Variants in CITED2 observed in about 807,000 individuals in gnomAD.
The protein encoded by CITED2 is Cbp/p300 interacting transactivator with ED-rich tail 2.
CITED2 carries 2 observed loss-of-function variants against 11.8 expected under a neutral mutation model. The ratio of observed to expected loss-of-function variants is 0.17; its 90% confidence interval spans 0.07 to 0.54. The LOEUF (loss-of-function observed/expected upper bound fraction) is 0.54. Among genes scored for constraint, CITED2 ranks in the 20% least tolerant of loss-of-function variants. CITED2 has a pLI of 0.94. For missense variants in CITED2, 437 were observed against 390.2 expected, an observed-to-expected ratio of 1.12 and a Z score of -1.01; for synonymous variants, 210 against 153.0, an observed-to-expected ratio of 1.37 and a Z score of -2.75.
chr6:139,374,263 C>G (rs977002242), intron 1 of CITED2, 150 bp downstream of exon 1: 2 of 1,269,636 alleles, frequency 1.6e-6, no homozygotes, highest in African/African-American at 1.5e-5. Flanking sequence ...CTGCTGCGAA[C>G]TTCAGGCATT....
In CITED2 at chr6:139,373,018, T is replaced by C. The variant is rs1778282884; in HGVS notation, c.*114A>G. ...GTTTATAGTTTACTTTGTTTCCAAG[T>C]TCTCAAACCTTTCAAGATCTGAAAA... On this transcript the variant is annotated 3_prime_UTR_variant, in exon 2 of 2. Coordinates refer to ENST00000367651, the MANE Select transcript of CITED2 (RefSeq NM_006079.5). 3.6e-6 allele frequency: 4 copies of C among 1,100,460 alleles called. No homozygotes were observed. Among genetic ancestry groups the C allele is most frequent in the Admixed American group, 3.4e-5 (2 of 58,448 alleles). The allele number at this position is 1,100,460 out of a possible 1,614,324, so 68.2% of individuals were successfully genotyped here.
In CITED2 at chr6:139,372,543, G is replaced by C. The variant is rs890891171; in HGVS notation, c.*589C>G. ...GGGCGGCGGGGGGGACAGCCAACTT[G>C]AAAGTGAACAGTATGACTTTCCTGA... is the stretch of plus-strand genomic sequence containing the variant. On this transcript the variant is annotated 3_prime_UTR_variant, in exon 2 of 2. Transcript: ENST00000367651. The C allele has an allele frequency of 6.3e-6, 1 of 159,606 alleles. No individual in the cohort carries two copies. The highest frequency in any genetic ancestry group is 1.7e-4 in the South Asian group (1 of 5,778). 9.9% of individuals were successfully genotyped at this position (159,606 alleles called of 1,614,324 possible).
Position 139,372,722 on chromosome 6 carries a change from ATTT to A in CITED2, c.*407_*409del, listed in dbSNP as rs1778272752. The A allele has an allele frequency of 4.3e-6, 1 of 231,864 alleles. No individual in the cohort carries two copies. Among genetic ancestry groups the A allele is most frequent in the Non-Finnish European group, 8.8e-6 (1 of 113,344 alleles). The allele number at this position is 231,864 out of a possible 1,614,324, so 14.4% of individuals were successfully genotyped here. On this transcript the variant is annotated 3_prime_UTR_variant, in exon 2 of 2. Transcript: ENST00000367651. Reference sequence around the variant, plus strand: ...GAAGTTCATGCAACCAACTAATGCAATTTTTCCTTTCACTCGTAAATCTGAATG... The same window carrying A: ...GAAGTTCATGCAACCAACTAATGCAATTCCTTTCACTCGTAAATCTGAATG...
In CITED2 at chr6:139,373,315, A is replaced by C. The variant is rs571681142; in HGVS notation, c.630T>G (p.Ala210=). The C allele has an allele frequency of 2.7e-5, 43 of 1,613,132 alleles. No individual in the cohort carries two copies. In the African/African-American group the frequency reaches 2.7e-4, roughly 10 times the overall value. The change falls in exon 2 of 2, where the codon GCT becomes GCG. Residue 210 remains alanine, a synonymous_variant. Coordinates refer to ENST00000367651, the MANE Select transcript of CITED2 (RefSeq NM_006079.5). ...CTATGACATTGGGCGGCAGCATTGC[A>C]GCGGGGACGTGGGCCACGGAGGCGG... ...NMPASVAHVP[A]AMLPPNVIDT...
chr6:139,373,856 A>G lies in CITED2; in HGVS notation c.89T>C (p.Met30Thr). Residue 30 changes from methionine to threonine, a missense_variant, in exon 2 of 2, where the codon ATG becomes ACG. Around this residue, in one of 3 missense-constraint regions of CITED2, gnomAD observed 396 missense variants for 325.2 expected, o/e 1.22. Transcript: ENST00000367651. ...GTGATGGGGGCTCGGGAACTGCCCC[A>G]TGCCCATGCGGTGGGCAGGGTGATG... ...LHHHPAHRMG[M>T]GQFPSPHHHQ... The G allele has an allele frequency of 1.2e-6, 2 of 1,604,276 alleles. No individual in the cohort carries two copies.
At position 139,374,644 on chromosome 6, in the gene CITED2, G is replaced by C. The variant is rs1023453277; in HGVS notation, c.-240C>G. 1 of 157,134 alleles carries C rather than the reference G, an allele frequency of 6.4e-6. No homozygotes were observed. The highest frequency in any genetic ancestry group is 6.4e-5 in the Admixed American group (1 of 15,700). The allele number at this position is 157,134 out of a possible 1,614,324, so 9.7% of individuals were successfully genotyped here. Reference sequence around the variant, plus strand: ...ACCGCCCGGCAGCTGCCAACAATGAGCTGTGTTTCTTAGGGCTTTGGCCAC... The same window carrying C: ...ACCGCCCGGCAGCTGCCAACAATGACCTGTGTTTCTTAGGGCTTTGGCCAC... On this transcript the variant is annotated 5_prime_UTR_variant, in exon 1 of 2. Transcript: ENST00000367651.
rs776777561 is a variant in CITED2, at chr6:139,373,965, AG to A, written c.-8-14del. The A allele has an allele frequency of 1.9e-6, 3 of 1,594,098 alleles. No homozygotes were observed. In the South Asian group the frequency reaches 3.3e-5, roughly 18 times the overall value. On this transcript the variant is annotated splice_polypyrimidine_tract_variant and intron_variant, in intron 1 of 1. Transcript: ENST00000367651. ...GCCATTTCCAGTCCTGGAAGTGAAA[AG>A]GGCAGATAATGAGACCCGCGCCACA... is the stretch of plus-strand genomic sequence containing the variant.
In CITED2 at chr6:139,373,838, G is replaced by C. The variant is rs1583067788; in HGVS notation, c.107C>G (p.Pro36Arg). The C allele has an allele frequency of 1.9e-6, 3 of 1,606,422 alleles. No homozygotes were observed. Among genetic ancestry groups the C allele is most frequent in the South Asian group, 1.1e-5 (1 of 91,070 alleles). ...GGGCTGCTGCTGCTGGTGGTGATGG[G>C]GGCTCGGGAACTGCCCCATGCCCAT... Reference protein sequence around the residue: ...HRMGMGQFPSPHHHQQQQPQH... With the variant: ...HRMGMGQFPSRHHHQQQQPQH... The change falls in exon 2 of 2, where the codon CCC (proline) becomes CGC (arginine). Residue 36 changes from proline to arginine, a missense_variant. By Grantham distance (103) the Pro-to-Arg change is moderately radical. Transcript: ENST00000367651.
rs1778254648 is a variant in CITED2 at position 139,372,102 on chromosome 6, C to A, written c.*1030G>T. Reference sequence around the variant, plus strand: ...AAGCATTATGCCAATTATGTTAAATCCTGCTCTCCGCTTAAGCTCATCATG... The same window carrying A: ...AAGCATTATGCCAATTATGTTAAATACTGCTCTCCGCTTAAGCTCATCATG... On this transcript the variant is annotated 3_prime_UTR_variant, in exon 2 of 2. Transcript: ENST00000367651. The A allele has an allele frequency of 6.6e-6, 1 of 151,726 alleles. No homozygotes were observed. The highest frequency in any genetic ancestry group is 2.1e-4 in the South Asian group (1 of 4,800). The allele number at this position is 151,726 out of a possible 1,614,324, so 9.4% of individuals were successfully genotyped here.
At position 139,373,787 on chromosome 6, in the gene CITED2, C is replaced by T. The variant is rs780194291; in HGVS notation, c.158G>A (p.Gly53Asp). 7.5e-6 allele frequency: 12 copies of T among 1,610,406 alleles called. No individual in the cohort carries two copies. In the Admixed American group the frequency reaches 1.2e-4, roughly 16 times the overall value. The stretch of plus-strand genomic sequence containing the variant: ...GCCCGCGCCGTAGTGTATGTGCTCG[C>T]CCATTAGGGCGTTGAAGGCGTGCTG... ...QPQHAFNALMGEHIHYGAGNM... is the reference protein window; with the variant it reads ...QPQHAFNALMDEHIHYGAGNM... The change falls in exon 2 of 2, where the codon GGC becomes GAC. Residue 53 changes from glycine to aspartate, a missense_variant. Physicochemically the swap from Gly to Asp is moderately conservative, Grantham distance 94. This residue lies in a region of CITED2 where 396 missense variants were observed against 325.2 expected (regional missense o/e 1.22). Coordinates refer to ENST00000367651, the MANE Select transcript of CITED2 (RefSeq NM_006079.5).
Position 139,373,798 on chromosome 6 carries a change from G to A in CITED2, c.147C>T (p.Asn49=), listed in dbSNP as rs1341272048. The change falls in exon 2 of 2, where the codon AAC becomes AAT. Residue 49 remains asparagine (N), a synonymous_variant. Coordinates refer to ENST00000367651, the MANE Select transcript of CITED2 (RefSeq NM_006079.5). ...HQQQQPQHAF[N]ALMGEHIHYG... ...AGTGTATGTGCTCGCCCATTAGGGC[G>A]TTGAAGGCGTGCTGGGGCTGCTGCT... The A allele has an allele frequency of 6.2e-7, 1 of 1,609,942 alleles. No homozygotes were observed. The highest frequency in any genetic ancestry group is 1.1e-5 in the South Asian group (1 of 91,082).
intron 1 of CITED2, 96 bp from the exon 2 acceptor site, chr6:139,374,048 C>T: frequency 6.5e-7 from 1 of 1,527,874 alleles, no homozygotes; most frequent in South Asian, 1.2e-5. Context: ...CCAGGATTCC[C>T]GGGCGCACGT....
rs751842350 is a variant in CITED2, at chr6:139,373,092, A to C, written c.*40T>G. 2 of 1,558,492 alleles carry C rather than the reference A, an allele frequency of 1.3e-6. No homozygotes were observed. Among genetic ancestry groups the C allele is most frequent in the Admixed American group, 3.3e-5 (2 of 59,932 alleles). On this transcript the variant is annotated 3_prime_UTR_variant, in exon 2 of 2. Coordinates refer to ENST00000367651, the MANE Select transcript of CITED2 (RefSeq NM_006079.5). Reference sequence around the variant, plus strand: ...TGTTTCTTTTAATTCACGCCGAAGAAGTTGGGGGTTTGATTTCTTTCGCCG... The same window carrying C: ...TGTTTCTTTTAATTCACGCCGAAGACGTTGGGGGTTTGATTTCTTTCGCCG...
Position 139,372,996 on chromosome 6 carries a change from T to C in CITED2, c.*136A>G. The C allele has an allele frequency of 1.1e-6, 1 of 947,406 alleles. No individual in the cohort carries two copies. The highest frequency in any genetic ancestry group is 1.7e-6 in the Non-Finnish European group (1 of 586,594). The allele number at this position is 947,406 out of a possible 1,614,324, so 58.7% of individuals were successfully genotyped here. On this transcript the variant is annotated 3_prime_UTR_variant, in exon 2 of 2. Coordinates refer to ENST00000367651, the MANE Select transcript of CITED2 (RefSeq NM_006079.5). ...TTTTTAAAACCAATTTGTACAAGTT[T>C]ATAGTTTACTTTGTTTCCAAGTTCT...
At position 139,373,715 on chromosome 6, in the gene CITED2, G is replaced by A. The variant is rs1343156554; in HGVS notation, c.230C>T (p.Thr77Ile). The A allele has an allele frequency of 1.2e-6, 2 of 1,610,890 alleles. No individual in the cohort carries two copies. Among genetic ancestry groups the A allele is most frequent in the Non-Finnish European group, 8.5e-7 (1 of 1,179,826 alleles). ...GCTCGGGGGGTGCCCTCCGTTCACAGTCCCCGGCCCCATCGCATGCCTGAT... is the reference window on the plus strand; with the variant it reads ...GCTCGGGGGGTGCCCTCCGTTCACAATCCCCGGCCCCATCGCATGCCTGAT... ...SGIRHAMGPG[T>I]VNGGHPPSAL... Residue 77 changes from threonine (T) to isoleucine (I), a missense_variant, in exon 2 of 2, where the codon ACT becomes ATT. By Grantham distance (89) the Thr-to-Ile change is moderately conservative (BLOSUM62 -1). Around this residue, in one of 3 missense-constraint regions of CITED2, gnomAD observed 396 missense variants for 325.2 expected, o/e 1.22. Transcript: ENST00000367651.
At position 139,372,862 on chromosome 6, in the gene CITED2, CA is replaced by C; in HGVS notation, c.*269del. The C allele has an allele frequency of 2.0e-6, 1 of 499,478 alleles. No individual in the cohort carries two copies. Among genetic ancestry groups the C allele is most frequent in the Admixed American group, 3.2e-5 (1 of 30,904 alleles). The allele number at this position is 499,478 out of a possible 1,614,324, so 30.9% of individuals were successfully genotyped here. On this transcript the variant is annotated 3_prime_UTR_variant, in exon 2 of 2. Transcript: ENST00000367651. ...AGTGAGGGAAAGGAGTAAAAACAAACAACGAAAAAGACCAAGTTAGCTAGAT... is the reference window on the plus strand; with the variant it reads ...AGTGAGGGAAAGGAGTAAAAACAAACACGAAAAAGACCAAGTTAGCTAGAT...
chr6:139,374,185 C>T, intron 1 of CITED2: 2 of 1,441,560 alleles, frequency 1.4e-6, no homozygotes, highest in South Asian at 1.4e-5. Flanking sequence ...TGCGATCGGG[C>T]GGGGGGACCC....
At position 139,373,922 on chromosome 6, in the gene CITED2, A is replaced by C; in HGVS notation, c.23T>G (p.Met8Arg). The change falls in exon 2 of 2, where the codon ATG becomes AGG. Residue 8 changes from methionine (M) to arginine (R), a missense_variant. By Grantham distance (91) the Met-to-Arg change is moderately conservative. Coordinates refer to ENST00000367651, the MANE Select transcript of CITED2 (RefSeq NM_006079.5). MADHMMAMNHGRFPDGTN... is the reference protein window; with the variant it reads MADHMMARNHGRFPDGTN... ...GCCGTCGGGGAAGCGCCCGTGGTTC[A>C]TGGCCATCATATGGTCTGCCATTTC... The C allele has an allele frequency of 6.3e-7, 1 of 1,599,346 alleles. No homozygotes were observed. Among genetic ancestry groups the C allele is most frequent in the Non-Finnish European group, 8.5e-7 (1 of 1,179,864 alleles).
At chr6:139,374,120 C>A (rs1240047169) in intron 1 of CITED2, 168 bp from the exon 2 acceptor site, 2 of 1,492,048 alleles carry the variant, frequency 1.3e-6, no homozygotes, top group Non-Finnish European at 1.8e-6. Flanking sequence ...CTAGCCACCA[C>A]GGAAGAGCTA....
Sources: allele counts gnomAD v4.1 joint callset, GRCh38; gene constraint gnomAD v4.1.1; regional missense constraint gnomAD v4.1.1; transcripts MANE v1.5; gene names NCBI Gene and HGNC (gene_info 2026-07-23, HGNC 2026-07-21).